The following HOXD11 variants were observed in gnomAD, a reference collection of about 807,000 sequenced individuals.
The protein encoded by HOXD11 is homeobox protein Hox-D11.
HOXD11 carries 16 observed loss-of-function variants against 23.1 expected under a neutral mutation model. The ratio of observed to expected loss-of-function variants is 0.69; its 90% CI spans 0.47 to 1.05. The LOEUF (loss-of-function observed/expected upper bound fraction) is 1.05, where lower values mean the gene tolerates loss of function less well. Among genes scored for constraint, HOXD11 ranks in the 50% least tolerant of loss-of-function variants. The probability of loss-of-function intolerance (pLI) is 0.00; values close to 1 mark genes in which losing one functional copy is unlikely to be tolerated. For synonymous variants in HOXD11, 262 were observed against 224.4 expected (o/e 1.17, Z -1.50); for missense variants, 564 against 495.6 (o/e 1.14, Z -1.31).
Position 176,109,423 on chromosome 2 carries a change from G to A in HOXD11, c.*281G>A, listed in dbSNP as rs1007731807. ...GCTGTCGTTCCCCCTCCCCCTCTCC[G>A]AGTCCTCGTGGGGACACGGCGGGGT... is the stretch of plus-strand genomic sequence containing the variant. On this transcript the variant is annotated 3_prime_UTR_variant, in exon 2 of 2. Coordinates refer to ENST00000249504, the MANE Select transcript of HOXD11 (RefSeq NM_021192.3). 6.7e-5 allele frequency: 26 copies of A among 386,316 alleles called. No individual in the cohort carries two copies. The Admixed American group carries it at 1.0e-3, about 15-fold the overall frequency. 23.9% of individuals were successfully genotyped at this position (386,316 alleles called of 1,614,324 possible).
downstream of HOXD11, among the ~76,000 whole-genome samples, chr2:176,113,782 T>A (rs1252172796): frequency 6.6e-6 from 1 of 152,248 alleles, no homozygotes; most frequent in Non-Finnish European, 1.5e-5. Flanking sequence ...TTCAAAATTA[T>A]GTCTGATATA....
In HOXD11 at chr2:176,109,074, C is replaced by G; in HGVS notation, c.949C>G (p.Arg317Gly). 3 of 1,614,092 alleles carry G rather than the reference C, an allele frequency of 1.9e-6. No homozygotes were observed. Among genetic ancestry groups the G allele is most frequent in the Non-Finnish European group, 2.5e-6 (3 of 1,179,946 alleles). Residue 317 changes from arginine (R) to glycine (G), a missense_variant, in exon 2 of 2, where the codon CGC becomes GGC. By Grantham distance (125) the Arg-to-Gly change is moderately radical (BLOSUM62 -2). Transcript: ENST00000249504. ...DRQVKIWFQN[R>G]RMKEKKLNRD... ...GCAAGTCAAAATCTGGTTCCAGAAT[C>G]GCAGGATGAAAGAAAAGAAACTGAA...
rs761573651 is a variant in HOXD11, at chr2:176,107,420, AT to A, written c.66del (p.Tyr22Ter). Reference protein sequence around the residue: ...ASMYLPGCAYYVAPSDFASKP... With the variant: ...ASMYLPGCAYXVAPSDFASKP... ...ATGTACCTGCCGGGCTGCGCCTACT[AT>A]GTGGCCCCGTCTGACTTCGCTAGCA... On this transcript the variant is annotated frameshift_variant, in exon 1 of 2. Transcript: ENST00000249504. LOFTEE classifies it high-confidence loss of function. 4 of 1,613,606 alleles carry A rather than the reference AT, an allele frequency of 2.5e-6. No homozygotes were observed. The African/African-American group carries it at 5.3e-5, about 22-fold the overall frequency.
chr2:176,108,685 G>GTGTA, intron 1 of HOXD11: 1 of 575,884 alleles, frequency 1.7e-6, no homozygotes. Context: ...GTGTGTGTGT[G>GTGTA]TGTGTGTGTG....
At chr2:176,113,033 T>C (rs1183582279), downstream of HOXD11, among the ~76,000 whole-genome samples, 1 of 151,898 alleles carries the variant, frequency 6.6e-6, no homozygotes, top group Non-Finnish European at 1.5e-5. Flanking sequence ...CAGAAGGAGG[T>C]TCTCCGGCCG....
chr2:176,114,077 A>T (rs1264290569), downstream of HOXD11, among the ~76,000 whole-genome samples: 2 of 152,242 alleles, frequency 1.3e-5, no homozygotes, highest in African/African-American at 4.8e-5. Context: ...AAAATTGGGC[A>T]AACAAGTTCC....
At chr2:176,111,826 C>CAAAAAAAAAAAAAAAAAAAAAAAAA (rs1176283938), downstream of HOXD11, among the ~76,000 whole-genome samples, 2 of 22,740 alleles carry the variant, frequency 8.8e-5, no homozygotes, top group African/African-American at 3.8e-4. Context: ...CTCCCCCCCG[C>CAAAAAAAAAAAAAAAAAAAAAAAAA]AAAAAAAAAA....
chr2:176,111,217 T>C (rs1689667872), downstream of HOXD11, among the ~76,000 whole-genome samples: 2 of 152,196 alleles, frequency 1.3e-5, no homozygotes, highest in Admixed American at 1.3e-4. Context: ...ATTCTAGACA[T>C]CGGTTAAAAT....
chr2:176,113,891 A>G (rs1036437589), downstream of HOXD11, among the ~76,000 whole-genome samples: 33 of 152,330 alleles, frequency 2.2e-4, no homozygotes, highest in African/African-American at 7.7e-4. Flanking sequence ...AAGGTCCCCA[A>G]ATTCTGAAGA....
chr2:176,107,386 G>A lies in HOXD11; in HGVS notation c.31G>A (p.Ala11Thr). 6.2e-7 allele frequency: 1 copy of A among 1,612,040 alleles called. No homozygotes were observed. Among genetic ancestry groups the A allele is most frequent in the Non-Finnish European group, 8.5e-7 (1 of 1,179,266 alleles). The change falls in exon 1 of 2, where the codon GCA (alanine) becomes ACA (threonine). Residue 11 changes from alanine (A) to threonine (T), a missense_variant. Transcript: ENST00000249504. MNDFDECGQS[A>T]ASMYLPGCAY... Reference sequence around the variant, plus strand: ...CGACTTTGACGAGTGCGGCCAGAGCGCAGCCAGCATGTACCTGCCGGGCTG... The same window carrying A: ...CGACTTTGACGAGTGCGGCCAGAGCACAGCCAGCATGTACCTGCCGGGCTG...
downstream of HOXD11, among the ~76,000 whole-genome samples, chr2:176,111,942 T>A (rs1689681270): frequency 6.7e-6 from 1 of 150,046 alleles, no homozygotes. Context: ...TAGCCAAATG[T>A]CTCTCAGAAA....
At position 176,108,095 on chromosome 2, in the gene HOXD11, G is replaced by GC. The variant is rs1200877445; in HGVS notation, c.746dup (p.Glu251ArgfsTer38). On this transcript the variant is annotated frameshift_variant, in exon 1 of 2. Transcript: ENST00000249504. LOFTEE classifies it high-confidence loss of function. ...GAAGGCAGCGGTGGCGACGGCGAGGGCCCCCCGGGAGAGGCGGGGGCCGAG... is the reference window on the plus strand; with the variant it reads ...GAAGGCAGCGGTGGCGACGGCGAGGGCCCCCCCGGGAGAGGCGGGGGCCGAG... 3.4e-6 allele frequency: 5 copies of GC among 1,463,976 alleles called. No individual in the cohort carries two copies. The highest frequency in any genetic ancestry group is 4.5e-6 in the Non-Finnish European group (5 of 1,113,840). 90.7% of individuals were successfully genotyped at this position (1,463,976 alleles called of 1,614,324 possible).
chr2:176,107,789 A>G lies in HOXD11; in HGVS notation c.434A>G (p.Glu145Gly). The G allele has an allele frequency of 7.4e-7, 1 of 1,345,876 alleles. No individual in the cohort carries two copies. The highest frequency in any genetic ancestry group is 3.5e-5 in the Admixed American group (1 of 28,594). The allele number at this position is 1,345,876 out of a possible 1,614,324, so 83.4% of individuals were successfully genotyped here. The change falls in exon 1 of 2, where the codon GAG becomes GGG. Residue 145 changes from glutamate (E) to glycine (G), a missense_variant. Glu to Gly is a moderately conservative substitution (Grantham distance 98). Coordinates refer to ENST00000249504, the MANE Select transcript of HOXD11 (RefSeq NM_021192.3). ...RRPDVLFKAP[E>G]PVCAAPGPPH... ...CCGGACGTGCTCTTCAAGGCGCCTG[A>G]GCCGGTGTGCGCTGCGCCGGGGCCG... is the stretch of plus-strand genomic sequence containing the variant.
chr2:176,107,978 CCGA>C lies in HOXD11; in HGVS notation c.625_627del (p.Asp209del). 1 of 1,436,046 alleles carries C rather than the reference CCGA, an allele frequency of 7.0e-7. No homozygotes were observed. The highest frequency in any genetic ancestry group is 9.1e-7 in the Non-Finnish European group (1 of 1,099,552). 89.0% of individuals were successfully genotyped at this position (1,436,046 alleles called of 1,614,324 possible). A position where few individuals can be genotyped will look rare whatever the true frequency, so the allele number is the denominator to read the frequency against. On this transcript the variant is annotated inframe_deletion, in exon 1 of 2. Coordinates refer to ENST00000249504, the MANE Select transcript of HOXD11 (RefSeq NM_021192.3). ...GCGCCGCCACAGCCCGAGGGCGCAGCCGACAAGGGCGACCCCAGGACCGGGGCT... is the reference window on the plus strand; with the variant it reads ...GCGCCGCCACAGCCCGAGGGCGCAGCCAAGGGCGACCCCAGGACCGGGGCT...
Position 176,107,992 on chromosome 2 carries a change from C to G in HOXD11, c.637C>G (p.Pro213Ala). The G allele has an allele frequency of 6.8e-7, 1 of 1,479,526 alleles. No individual in the cohort carries two copies. Among genetic ancestry groups the G allele is most frequent in the Non-Finnish European group, 8.9e-7 (1 of 1,120,288 alleles). 91.6% of individuals were successfully genotyped at this position (1,479,526 alleles called of 1,614,324 possible). A position where few individuals can be genotyped will look rare whatever the true frequency, so the allele number is the denominator to read the frequency against. Residue 213 changes from proline (P) to alanine (A), a missense_variant, in exon 1 of 2, where the codon CCC becomes GCC. By Grantham distance (27) the Pro-to-Ala change is conservative (BLOSUM62 -1). Transcript: ENST00000249504. ...QPEGAADKGDPRTGAGGGGGS... is the reference protein window; with the variant it reads ...QPEGAADKGDARTGAGGGGGS... ...CGAGGGCGCAGCCGACAAGGGCGAC[C>G]CCAGGACCGGGGCTGGTGGCGGCGG...
At position 176,109,389 on chromosome 2, in the gene HOXD11, C is replaced by A. The variant is rs1195985176; in HGVS notation, c.*247C>A. ...TGCAAACGTCCCGTTACAATTTTAC[C>A]GCCAGTGTGCTGTCGTTCCCCCTCC... On this transcript the variant is annotated 3_prime_UTR_variant, in exon 2 of 2. Transcript: ENST00000249504. The A allele has an allele frequency of 6.6e-6, 3 of 457,166 alleles. No homozygotes were observed. Among genetic ancestry groups the A allele is most frequent in the Non-Finnish European group, 1.2e-5 (3 of 254,158 alleles). The allele number at this position is 457,166 out of a possible 1,614,324, so 28.3% of individuals were successfully genotyped here.
chr2:176,113,606 G>A (rs2105391453), downstream of HOXD11, among the ~76,000 whole-genome samples: 1 of 152,190 alleles, frequency 6.6e-6, no homozygotes, highest in South Asian at 2.1e-4. Flanking sequence ...AGAGTCTTAG[G>A]CACACTTTCC....
downstream of HOXD11, among the ~76,000 whole-genome samples, chr2:176,111,843 A>AAAAAAAAAAAAAAAAAAAAAAC: frequency 1.1e-4 from 17 of 148,092 alleles, 1 homozygote; most frequent in African/African-American, 3.8e-4. Flanking sequence ...AAAAAAAAAA[A>AAAAAAAAAAAAAAAAAAAAAAC]AAAAAACCTT....
chr2:176,107,622 CG>C lies in HOXD11; in HGVS notation c.272del (p.Gly91AlafsTer201). 9.4e-7 allele frequency: 1 copy of C among 1,068,390 alleles called. No individual in the cohort carries two copies. The allele number at this position is 1,068,390 out of a possible 1,614,324, so 66.2% of individuals were successfully genotyped here. A position where few individuals can be genotyped will look rare whatever the true frequency, so the allele number is the denominator to read the frequency against. ...GCGGCAGCGCGGGGGGCGGCAGCAG[CG>C]GGGGCGGCCCCGGCGGGGGCGGCGG... is the stretch of plus-strand genomic sequence containing the variant. ...GGGSAGGGSS[G>X]GGPGGGGGGA... On this transcript the variant is annotated frameshift_variant, in exon 1 of 2. Transcript: ENST00000249504. LOFTEE classifies it high-confidence loss of function.
Sources: gnomAD v4.1 joint callset for allele counts (sites outside exome capture counted in the v4.1 genomes callset) on GRCh38, gnomAD v4.1.1 for gene constraint, MANE v1.5 for transcripts, NCBI Gene and HGNC (gene_info 2026-07-23, HGNC 2026-07-21) for gene names.